Variants in CUX2 observed in about 807,000 individuals in gnomAD.
CUX2 encodes cut like homeobox 2, also known as homeobox protein cut-like 2.
CUX2 carries 40 observed loss-of-function variants against 144.8 expected under a neutral mutation model. That is an observed-to-expected ratio of 0.28 (90% CI 0.21 to 0.36). The LOEUF (loss-of-function observed/expected upper bound fraction) is 0.36. CUX2 is among the 10% of genes least tolerant of loss of function. CUX2 has a pLI of 1.00. For synonymous variants in CUX2, 827 were observed against 875.6 expected (o/e 0.94, Z 0.98); for missense variants, 1,615 against 1,994.0 (o/e 0.81, Z 3.62).
intron 1 of CUX2, among the ~76,000 whole-genome samples, chr12:111,067,160 C>T (rs74427312): frequency 0.022 from 3,394 of 152,322 alleles, 66 homozygotes; most frequent in Non-Finnish European, 0.035. Context: ...CTTTCCACCT[C>T]TACACAGTCA....
chr12:111,161,716 T>G (rs559758561), intron 1 of CUX2, among the ~76,000 whole-genome samples: 1 of 152,230 alleles, frequency 6.6e-6, no homozygotes, highest in South Asian at 2.1e-4. Context: ...ATGCTGAGTG[T>G]CGCTGGATGC....
intron 1 of CUX2, among the ~76,000 whole-genome samples, chr12:111,082,796 A>G (rs182129082): frequency 2.3e-4 from 35 of 152,288 alleles, no homozygotes; most frequent in Admixed American, 9.8e-4. Flanking sequence ...GGGGGCCCTG[A>G]GCAGACTGGT....
At position 111,347,861 on chromosome 12, in the gene CUX2, C is replaced by A. The variant is rs201289447; in HGVS notation, c.3997C>A (p.Pro1333Thr). The part of the protein sequence containing the change: ...KGQGPPKEEH[P>T]DPPGNDGLPK... The stretch of plus-strand genomic sequence containing the variant: ...CCAAGGTCCCCCCAAAGAGGAGCAT[C>A]CCGACCCTCCGGGTAATGATGGACT... Residue 1333 changes from proline to threonine, a missense_variant, in exon 22 of 22, where the codon CCC becomes ACC. By Grantham distance (38) the Pro-to-Thr change is conservative. Coordinates refer to ENST00000261726, the MANE Select transcript of CUX2 (RefSeq NM_015267.4). 24 of 1,614,012 alleles carry A rather than the reference C, an allele frequency of 1.5e-5. No individual in the cohort carries two copies. In the Admixed American group the frequency reaches 2.7e-4, roughly 18 times the overall value.
chr12:111,041,783 G>C (rs1311682831), intron 1 of CUX2, among the ~76,000 whole-genome samples: 1 of 152,192 alleles, frequency 6.6e-6, no homozygotes, highest in Non-Finnish European at 1.5e-5. Context: ...TCGGAGTCCT[G>C]AGGAGGGTCT....
intron 19 of CUX2, among the ~76,000 whole-genome samples, chr12:111,335,207 A>G (rs538748921): frequency 3.6e-4 from 55 of 152,286 alleles, no homozygotes; most frequent in African/African-American, 1.3e-3. Context: ...CCTGGCCAAC[A>G]TGGTGAAACC....
chr12:111,168,103 G>C (rs1878272309), intron 1 of CUX2, among the ~76,000 whole-genome samples: 1 of 152,176 alleles, frequency 6.6e-6, no homozygotes, highest in Non-Finnish European at 1.5e-5. Context: ...AGCCAAGCTG[G>C]CTGGAGTGAA....
chr12:111,211,843 C>T (rs1170803179), intron 1 of CUX2, among the ~76,000 whole-genome samples: 3 of 150,502 alleles, frequency 2.0e-5, no homozygotes, highest in Non-Finnish European at 4.4e-5. Context: ...GCTGAGATGG[C>T]GCCACTGCAC....
intron 19 of CUX2, 73 bp from the exon 20 acceptor site, chr12:111,338,213 T>A (rs1205788338): frequency 2.4e-5 from 35 of 1,473,852 alleles, no homozygotes; most frequent in Non-Finnish European, 1.7e-5. Flanking sequence ...TCTGGCCTAT[T>A]CCATGTCTCT....
chr12:111,259,447 G>A (rs1419267473), intron 3 of CUX2, among the ~76,000 whole-genome samples: 2 of 152,064 alleles, frequency 1.3e-5, no homozygotes, highest in African/African-American at 2.4e-5. Flanking sequence ...ACAGATGAAG[G>A]GCCAGATTCA....
intron 1 of CUX2, among the ~76,000 whole-genome samples, chr12:111,151,307 T>C (rs1211730916): frequency 6.6e-6 from 1 of 152,238 alleles, no homozygotes; most frequent in Non-Finnish European, 1.5e-5. Context: ...TGGTTTACCA[T>C]TGGCAGCAGT....
intron 16 of CUX2, among the ~76,000 whole-genome samples, chr12:111,319,711 A>C (rs1038406476): frequency 6.6e-6 from 1 of 152,224 alleles, no homozygotes; most frequent in Non-Finnish European, 1.5e-5. Context: ...CATCCTGAGC[A>C]CCAGAGTGAG....
intron 6 of CUX2, among the ~76,000 whole-genome samples, chr12:111,294,733 C>G (rs896444792): frequency 2.0e-5 from 3 of 151,932 alleles, no homozygotes; most frequent in Non-Finnish European, 2.9e-5. Flanking sequence ...CCTGTCTCTA[C>G]TAAAATTACA....
intron 1 of CUX2, among the ~76,000 whole-genome samples, chr12:111,144,360 C>T (rs1876526574): frequency 6.6e-6 from 1 of 152,226 alleles, no homozygotes; most frequent in African/African-American, 2.4e-5. Flanking sequence ...TAAAACCCTG[C>T]TTTTCCTCCT....
rs2136017297 is a variant in CUX2, at chr12:111,057,242, G to GT, written c.63+23003dup. 6.6e-6 allele frequency among the ~76,000 whole-genome samples: 1 copy of GT among 152,300 alleles called. No homozygotes were observed. The highest frequency in any genetic ancestry group is 2.1e-4 in the South Asian group (1 of 4,822). ...GCAAGTAAGTGTGACAAGAAATTGT[G>GT]TGGGGGAGTCAGTATGACAGGAAGT... On this transcript the variant is annotated intron_variant, in intron 1 of 21. Coordinates refer to ENST00000261726, the MANE Select transcript of CUX2 (RefSeq NM_015267.4). This position sits in a 1 kb window ranked among gnomAD's most constrained non-coding sequence, Gnocchi z 5.1.
rs1260824205 is a variant in CUX2, at chr12:111,269,916, C to T, written c.301+6077C>T. 3.9e-5 allele frequency among the ~76,000 whole-genome samples: 6 copies of T among 152,150 alleles called. No homozygotes were observed. The East Asian group carries it at 5.8e-4, about 15-fold the overall frequency. ...CGGGAGAGCTGTCCCCAGCTGTCAC[C>T]GACTTAGAGAACAAGGAGCCTTAAC... On this transcript the variant is annotated intron_variant, in intron 4 of 21. Transcript: ENST00000261726.
chr12:111,337,352 CAAAAA>C (rs1197695502), intron 19 of CUX2, among the ~76,000 whole-genome samples: 1 of 111,472 alleles, frequency 9.0e-6, no homozygotes, highest in Non-Finnish European at 1.9e-5. Flanking sequence ...GACCCTGTCT[CAAAAA>C]AAAAAAAAAA....
intron 1 of CUX2, among the ~76,000 whole-genome samples, chr12:111,202,667 G>A (rs927540143): frequency 6.6e-6 from 1 of 152,182 alleles, no homozygotes; most frequent in African/African-American, 2.4e-5. Context: ...TGTGCTTGTG[G>A]AGCTGACATT....
chr12:111,037,989 T>C lies in CUX2; in HGVS notation c.63+3749T>C, dbSNP rs1869541276. Among the ~76,000 whole-genome samples the C allele has an allele frequency of 6.6e-6, 1 of 152,172 alleles. No homozygotes were observed. Among genetic ancestry groups the C allele is most frequent in the African/African-American group, 2.4e-5 (1 of 41,440 alleles). On this transcript the variant is annotated intron_variant, in intron 1 of 21. Transcript: ENST00000261726. The surrounding 1 kb of genome is among the most constrained non-coding windows in gnomAD (Gnocchi z 5.4). ...TCTGGGAGGAAGGGGCAAATTCTGC[T>C]TCGGGTGTCAGCAGTTGGGAGAAAG...
At chr12:111,048,513 G>C (rs1157876705) in intron 1 of CUX2, among the ~76,000 whole-genome samples, 1 of 152,188 alleles carries the variant, frequency 6.6e-6, no homozygotes, top group Non-Finnish European at 1.5e-5. Context: ...GTGTGGATTT[G>C]TAGGCTTTTA....
Sources: gnomAD v4.1 joint callset for allele counts (sites outside exome capture counted in the v4.1 genomes callset) on GRCh38, gnomAD v4.1.1 for gene constraint, Gnocchi (gnomAD v3.1) non-coding constraint, MANE v1.5 for transcripts, NCBI Gene and HGNC (gene_info 2026-07-23, HGNC 2026-07-21) for gene names.